ABLIM1: variants seen among roughly 807,000 people sequenced by gnomAD.
ABLIM1 encodes actin-binding LIM protein 1.
In ABLIM1, 40 loss-of-function variants were observed where a neutral mutation model predicts 107.0. That is an observed-to-expected ratio of 0.37 (90% confidence interval 0.29 to 0.49). ABLIM1 has a LOEUF of 0.49. Ranked by LOEUF, ABLIM1 falls within the 20% of genes least tolerant of loss-of-function variation. The pLI is 0.97. For missense variants in ABLIM1, 857 were observed against 1,008.5 expected, an observed-to-expected ratio of 0.85 and a Z score of 2.04; for synonymous variants, 357 against 357.3, an observed-to-expected ratio of 1.00 and a Z score of 0.01.
chr10:114,451,651 G>A lies in ABLIM1; in HGVS notation c.1567C>T (p.Arg523Ter), dbSNP rs2061929820. The stretch of plus-strand genomic sequence containing the variant: ...TGCTGTTTGTAGATGGGTGGCTTTC[G>A]GTAAATGTTGATTCCTTGATCTGTG... The part of the protein sequence containing the change: ...HVPDQGINIY[R>*]KPPIYKQHAA... The change falls in exon 14 of 23, where the codon CGA becomes TGA. Residue 523 changes from arginine to a stop codon, truncating the protein, a stop_gained. Coordinates refer to ENST00000533213, the MANE Select transcript of ABLIM1 (RefSeq NM_002313.7). LOFTEE classifies it high-confidence loss of function. 1.2e-6 allele frequency: 2 copies of A among 1,613,036 alleles called. No homozygotes were observed. The highest frequency in any genetic ancestry group is 1.3e-5 in the African/African-American group (1 of 74,928).
At chr10:114,525,507 C>T (rs1456454531) in intron 6 of ABLIM1, among the ~76,000 whole-genome samples, 7 of 152,214 alleles carry the variant, frequency 4.6e-5, no homozygotes, top group Admixed American at 1.3e-4. Context: ...CAAGGCCTCA[C>T]GCTTAGTCTT....
At chr10:114,478,593 T>C (rs993901524) in intron 8 of ABLIM1, among the ~76,000 whole-genome samples, 5 of 152,234 alleles carry the variant, frequency 3.3e-5, no homozygotes, top group African/African-American at 7.2e-5. Context: ...CCTGACACCA[T>C]GTGAAGAAGG....
chr10:114,798,563 C>CCCA, the ABLIM1 span, among the ~76,000 whole-genome samples: 11 of 125,826 alleles, frequency 8.7e-5, no homozygotes, highest in Non-Finnish European at 1.8e-4. Context: ...GAGACCCCCC[C>CCCA]CCCATGTCTA....
chr10:114,706,816 C>A (rs887715504), intron 1 of ABLIM1, among the ~76,000 whole-genome samples: 3 of 152,084 alleles, frequency 2.0e-5, no homozygotes, highest in South Asian at 2.1e-4. Flanking sequence ...TGAGAACGGC[C>A]TGCTACTGTG....
chr10:114,569,095 A>G (rs2071247370), intron 4 of ABLIM1, among the ~76,000 whole-genome samples: 1 of 152,116 alleles, frequency 6.6e-6, no homozygotes, highest in Non-Finnish European at 1.5e-5. Flanking sequence ...AAAAACCAGG[A>G]GCCAAAAGAC....
intron 1 of ABLIM1, among the ~76,000 whole-genome samples, chr10:114,741,216 C>CTTTTTTTTTT (rs751287379): frequency 4.8e-4 from 29 of 59,890 alleles, no homozygotes; most frequent in Non-Finnish European, 7.9e-4. Flanking sequence ...GACTATTCTT[C>CTTTTTTTTTT]TTTTTTTTTT....
At position 114,561,285 on chromosome 10, in the gene ABLIM1, A is replaced by G. The variant is rs143182684; in HGVS notation, c.673+10012T>C. Among the ~76,000 whole-genome samples, 50 of 152,374 alleles carry G rather than the reference A, an allele frequency of 3.3e-4. No homozygotes were observed. The East Asian group carries it at 9.2e-3, about 28-fold the overall frequency. On this transcript the variant is annotated intron_variant, in intron 4 of 22. Coordinates refer to ENST00000533213, the MANE Select transcript of ABLIM1 (RefSeq NM_002313.7). ...TCATTTACCCTATTCCAAGATAGGA[A>G]GAAGAAAAGAAGGGGCAGAATGTCA...
intron 7 of ABLIM1, among the ~76,000 whole-genome samples, chr10:114,488,466 A>G (rs1590315331): frequency 6.6e-6 from 1 of 152,358 alleles, no homozygotes; most frequent in East Asian, 1.9e-4. Flanking sequence ...GTCTATGTCC[A>G]GAAGCAAGAC....
chr10:114,585,805 C>G (rs1464818411), intron 2 of ABLIM1, among the ~76,000 whole-genome samples: 1 of 152,196 alleles, frequency 6.6e-6, no homozygotes, highest in African/African-American at 2.4e-5. Context: ...CCCCAGGCCT[C>G]TGCATCCTTG....
chr10:114,718,139 AAAG>A (rs148192271), intron 1 of ABLIM1, among the ~76,000 whole-genome samples: 42,556 of 128,866 alleles, frequency 0.33, 9,740 homozygotes, highest in Non-Finnish European at 0.45. Context: ...GAAAAGAAAG[AAAG>A]AAAGAGAAAA....
chr10:114,696,654 C>T (rs957855673), intron 1 of ABLIM1, among the ~76,000 whole-genome samples: 23 of 152,176 alleles, frequency 1.5e-4, no homozygotes, highest in African/African-American at 5.3e-4. Flanking sequence ...TTTTGCTTGG[C>T]TCTCATTCTC....
the ABLIM1 span, among the ~76,000 whole-genome samples, chr10:114,799,608 AC>A: frequency 6.6e-6 from 1 of 152,014 alleles, no homozygotes; most frequent in African/African-American, 2.4e-5. Context: ...AGCAACTCCC[AC>A]CTGTTCTACC....
intron 6 of ABLIM1, among the ~76,000 whole-genome samples, chr10:114,528,956 C>A (rs1167519933): frequency 1.3e-5 from 2 of 152,072 alleles, no homozygotes; most frequent in Non-Finnish European, 2.9e-5. Flanking sequence ...ACCTCTGTAA[C>A]CCCTGCACCT....
intron 6 of ABLIM1, among the ~76,000 whole-genome samples, chr10:114,513,066 C>A (rs1454436709): frequency 6.6e-6 from 1 of 152,096 alleles, no homozygotes; most frequent in East Asian, 1.9e-4. Flanking sequence ...ATCCATCCTC[C>A]CTTTCCCCAG....
At chr10:114,442,275 C>G (rs1392886527) in intron 17 of ABLIM1, among the ~76,000 whole-genome samples, 1 of 152,178 alleles carries the variant, frequency 6.6e-6, no homozygotes, top group Non-Finnish European at 1.5e-5. Context: ...GGAAGCCAAC[C>G]CTGTATGTTA....
At chr10:114,683,963 C>A (rs1407536092) in intron 1 of ABLIM1, among the ~76,000 whole-genome samples, 3 of 152,098 alleles carry the variant, frequency 2.0e-5, no homozygotes, top group African/African-American at 7.2e-5. Context: ...AGGTGTTTGC[C>A]CACAGTCACT....
chr10:114,469,216 T>C (rs918206584), intron 10 of ABLIM1, among the ~76,000 whole-genome samples: 1 of 152,218 alleles, frequency 6.6e-6, no homozygotes, highest in Non-Finnish European at 1.5e-5. Context: ...CTTGTTCACA[T>C]GGTTGTTGAC....
In ABLIM1 at chr10:114,657,557, G is replaced by A. The variant is rs1452230992; in HGVS notation, c.244+400C>T. On this transcript the variant is annotated intron_variant, in intron 1 of 22. Coordinates refer to ENST00000533213, the MANE Select transcript of ABLIM1 (RefSeq NM_002313.7). ...CCTCCCTACACAGTGACACAATTTG[G>A]ACCTCAACTTTACTTATCTTTTGCT... Among the ~76,000 whole-genome samples the A allele has an allele frequency of 3.3e-5, 5 of 151,996 alleles. No homozygotes were observed. The East Asian group carries it at 9.6e-4, about 29-fold the overall frequency.
At chr10:114,711,121 C>A (rs1046184333) in intron 1 of ABLIM1, among the ~76,000 whole-genome samples, 7 of 152,214 alleles carry the variant, frequency 4.6e-5, no homozygotes, top group Non-Finnish European at 1.0e-4. Flanking sequence ...TCTATGTTTT[C>A]CCCTATCAAT....
Sources: allele counts gnomAD v4.1 joint callset (sites outside exome capture counted in the v4.1 genomes callset), GRCh38; gene constraint gnomAD v4.1.1; transcripts MANE v1.5; gene names NCBI Gene and HGNC (gene_info 2026-07-23, HGNC 2026-07-21).